Variants in CDKAL1 observed in about 807,000 individuals in gnomAD.
CDKAL1 encodes the protein CDKAL1 threonylcarbamoyladenosine tRNA methylthiotransferase.
In CDKAL1, 32 loss-of-function variants were observed where a neutral mutation model predicts 68.2. The observed-to-expected ratio is 0.47, with a 90% confidence interval of 0.35 to 0.63. CDKAL1 has a LOEUF of 0.63. CDKAL1 is among the 30% of genes least tolerant of loss of function. The pLI is 0.00. For synonymous variants in CDKAL1, 234 were observed against 244.3 expected, an observed-to-expected ratio of 0.96 and a Z score of 0.39; for missense variants, 606 against 696.7, an observed-to-expected ratio of 0.87 and a Z score of 1.47.
chr6:20,551,515 C>T (rs1763826369), intron 4 of CDKAL1, among the ~76,000 whole-genome samples: 1 of 151,446 alleles, frequency 6.6e-6, no homozygotes, highest in Non-Finnish European at 1.5e-5. Context: ...CTACAGGTGC[C>T]CACCACCATG....
chr6:20,886,493 A>C (rs1761073423), intron 9 of CDKAL1, among the ~76,000 whole-genome samples: 1 of 152,250 alleles, frequency 6.6e-6, no homozygotes, highest in Non-Finnish European at 1.5e-5. Context: ...AACCCAAATG[A>C]CCATTAACAC....
At chr6:20,985,641 T>C (rs1766411042) in intron 10 of CDKAL1, among the ~76,000 whole-genome samples, 1 of 152,104 alleles carries the variant, frequency 6.6e-6, no homozygotes, top group Non-Finnish European at 1.5e-5. Flanking sequence ...ACTTTAAAGC[T>C]AGGCATGGTG....
At chr6:21,167,457 T>G (rs892305995) in intron 13 of CDKAL1, among the ~76,000 whole-genome samples, 5 of 152,204 alleles carry the variant, frequency 3.3e-5, no homozygotes, top group African/African-American at 1.2e-4. Flanking sequence ...TTATAATAGA[T>G]ATGAAAACCC....
At chr6:20,758,541 A>T (rs1774329795) in intron 6 of CDKAL1, 54 bp from the exon 7 acceptor site, 3 of 1,516,042 alleles carry the variant, frequency 2.0e-6, no homozygotes, top group Non-Finnish European at 2.7e-6. Context: ...GGATAAACAC[A>T]AATTTTGTTT....
At chr6:21,198,817 G>C (rs1373394251) in intron 14 of CDKAL1, among the ~76,000 whole-genome samples, 1 of 152,178 alleles carries the variant, frequency 6.6e-6, no homozygotes, top group Non-Finnish European at 1.5e-5. Flanking sequence ...TTCTGTTTCA[G>C]CATCAGGGTT....
At chr6:20,889,149 T>G (rs1193075504) in intron 9 of CDKAL1, among the ~76,000 whole-genome samples, 1 of 152,148 alleles carries the variant, frequency 6.6e-6, no homozygotes. Flanking sequence ...TCATGTGTTT[T>G]TTGGCTGCAT....
chr6:20,645,532 C>A (rs1768402214), intron 4 of CDKAL1, among the ~76,000 whole-genome samples: 1 of 151,832 alleles, frequency 6.6e-6, no homozygotes, highest in African/African-American at 2.4e-5. Context: ...GAGATTGAGA[C>A]CATCCTGGCC....
Position 21,231,125 on chromosome 6 carries a change from C to T in CDKAL1, c.*86C>T, listed in dbSNP as rs563612332. 2 of 1,086,912 alleles carry T rather than the reference C, an allele frequency of 1.8e-6. No individual in the cohort carries two copies. The highest frequency in any genetic ancestry group is 4.5e-5 in the Admixed American group (2 of 44,088). 67.3% of individuals were successfully genotyped at this position (1,086,912 alleles called of 1,614,324 possible). A position where few individuals can be genotyped will look rare whatever the true frequency, so the allele number is the denominator to read the frequency against. On this transcript the variant is annotated 3_prime_UTR_variant, in exon 16 of 16. Transcript: ENST00000274695. ...ACAGGAAAGCGACATCTCCATTCTC[C>T]AAGGGCAATAATTTGTACTGGTCAT...
intron 8 of CDKAL1, among the ~76,000 whole-genome samples, chr6:20,784,333 A>T (rs1000411819): frequency 2.0e-5 from 3 of 147,938 alleles, no homozygotes; most frequent in Non-Finnish European, 4.5e-5. Context: ...AATAGTTGTT[A>T]TACTGTATTT....
At position 21,049,638 on chromosome 6, in the gene CDKAL1, T is replaced by C. The variant is rs185844456; in HGVS notation, c.1056-15410T>C. 4.0e-3 allele frequency among the ~76,000 whole-genome samples: 610 copies of C among 152,316 alleles called. 6 individuals are homozygous for C. The highest frequency in any genetic ancestry group is 0.013 in the African/African-American group (549 of 41,586). Reference sequence around the variant, plus strand: ...AAATATTTGCTATGGAATGCAAGCATAGTGTTACAGGATAAAAAACTTATT... The same window carrying C: ...AAATATTTGCTATGGAATGCAAGCACAGTGTTACAGGATAAAAAACTTATT... On this transcript the variant is annotated intron_variant, in intron 11 of 15. Transcript: ENST00000274695.
intron 7 of CDKAL1, chr6:20,773,200 C>A (rs1321340877): frequency 6.6e-6 from 1 of 152,096 alleles, no homozygotes; most frequent in Non-Finnish European, 1.5e-5. Context: ...TCCATTTAAC[C>A]CAGTTTCTGT....
intron 8 of CDKAL1, among the ~76,000 whole-genome samples, chr6:20,798,997 G>C (rs2150402130): frequency 6.9e-6 from 1 of 145,040 alleles, no homozygotes; most frequent in South Asian, 2.2e-4. Flanking sequence ...CATCTGGACT[G>C]AGAGGAAAAT....
intron 5 of CDKAL1, 61 bp from the exon 6 acceptor site, chr6:20,739,458 A>G (rs1581482073): frequency 9.9e-6 from 10 of 1,006,366 alleles, no homozygotes; most frequent in Non-Finnish European, 1.5e-5. Flanking sequence ...CACTAACAAC[A>G]GTTTCCAAGA....
At chr6:21,192,243 G>A (rs1200662923) in intron 13 of CDKAL1, among the ~76,000 whole-genome samples, 1 of 149,858 alleles carries the variant, frequency 6.7e-6, no homozygotes, top group African/African-American at 2.5e-5. Flanking sequence ...GGATGGTCTC[G>A]ATCTCCTGAC....
At chr6:21,030,428 G>A (rs1769214795) in intron 11 of CDKAL1, among the ~76,000 whole-genome samples, 1 of 152,036 alleles carries the variant, frequency 6.6e-6, no homozygotes, top group Admixed American at 6.6e-5. Context: ...AGACCACCAT[G>A]GCACACGTAT....
At position 21,215,718 on chromosome 6, in the gene CDKAL1, G is replaced by A. The variant is rs144179943; in HGVS notation, c.1548+14444G>A. On this transcript the variant is annotated intron_variant, in intron 15 of 15. Transcript: ENST00000274695. ...GAAATGTCAAGTGCTCTAGATATCCGGTGCTTTTCTCTGAGGTACAATTGT... is the reference window on the plus strand; with the variant it reads ...GAAATGTCAAGTGCTCTAGATATCCAGTGCTTTTCTCTGAGGTACAATTGT... Among the ~76,000 whole-genome samples, 443 of 152,234 alleles carry A rather than the reference G, an allele frequency of 2.9e-3. 3 individuals carry two copies. The highest frequency in any genetic ancestry group is 4.2e-3 in the Non-Finnish European group (286 of 68,014).
intron 7 of CDKAL1, among the ~76,000 whole-genome samples, chr6:20,777,496 T>C (rs1268135668): frequency 6.6e-6 from 1 of 152,052 alleles, no homozygotes; most frequent in Non-Finnish European, 1.5e-5. Flanking sequence ...ACACCTATAG[T>C]CTCAGCTCCT....
chr6:20,586,436 G>A (rs1057046662), intron 4 of CDKAL1, among the ~76,000 whole-genome samples: 1 of 152,244 alleles, frequency 6.6e-6, no homozygotes, highest in East Asian at 1.9e-4. Flanking sequence ...TCAGGAGTTC[G>A]AGAACAGCCT....
At chr6:20,780,261 A>T (rs933175303) in intron 7 of CDKAL1, among the ~76,000 whole-genome samples, 7 of 152,194 alleles carry the variant, frequency 4.6e-5, no homozygotes, top group East Asian at 1.9e-4. Flanking sequence ...TATCAAAATT[A>T]AAAAATTACA....
Sources: allele counts gnomAD v4.1 joint callset (sites outside exome capture counted in the v4.1 genomes callset), GRCh38; gene constraint gnomAD v4.1.1; transcripts MANE v1.5; gene names NCBI Gene and HGNC (gene_info 2026-07-23, HGNC 2026-07-21).